Variants in ZBTB10 observed in about 807,000 individuals in gnomAD.
The protein encoded by ZBTB10 is zinc finger and BTB domain-containing protein 10.
ZBTB10 carries 32 observed loss-of-function variants against 76.4 expected under a neutral mutation model. The ratio of observed to expected loss-of-function variants is 0.42; its 90% CI spans 0.32 to 0.56. The LOEUF (loss-of-function observed/expected upper bound fraction) is 0.56. ZBTB10 is among the 20% of genes least tolerant of loss of function. ZBTB10 has a pLI of 0.14. For missense variants in ZBTB10, 1,057 were observed against 1,098.5 expected (o/e 0.96, Z 0.53); for synonymous variants, 523 against 432.9 (o/e 1.21, Z -2.58).
intron 1 of ZBTB10, among the ~76,000 whole-genome samples, chr8:80,496,945 A>G (rs1477474967): frequency 6.6e-6 from 1 of 152,230 alleles, no homozygotes; most frequent in African/African-American, 2.4e-5. Context: ...GGGTTCAGGT[A>G]CAGCTTGTGT....
chr8:80,494,066 C>T (rs752804542), intron 1 of ZBTB10, among the ~76,000 whole-genome samples: 3 of 152,168 alleles, frequency 2.0e-5, no homozygotes, highest in Non-Finnish European at 2.9e-5. Flanking sequence ...GTTTGTCTTC[C>T]TTCTATAAAA....
At chr8:80,485,862 T>C (rs975816375), upstream of ZBTB10, 6 of 1,535,568 alleles carry the variant, frequency 3.9e-6, no homozygotes, top group East Asian at 1.5e-4. Flanking sequence ...AGAAGGAAAA[T>C]GCGCGTCCCG....
intron 2 of ZBTB10, among the ~76,000 whole-genome samples, chr8:80,510,639 AGTGTGTGTGTGTGTGT>A (rs58749656): frequency 2.8e-4 from 35 of 125,684 alleles, no homozygotes; most frequent in Non-Finnish European, 4.9e-4. Context: ...TTGTGAAACC[AGTGTGTGTGTGTGTGT>A]GTGTGTGTGT....
At chr8:80,488,469 CT>C (rs1314063430) in intron 1 of ZBTB10, among the ~76,000 whole-genome samples, 1 of 152,020 alleles carries the variant, frequency 6.6e-6, no homozygotes, top group Admixed American at 6.6e-5. Context: ...GCTGAGATTT[CT>C]TTTTGTACTG....
chr8:80,494,862 G>A (rs1342811866), intron 1 of ZBTB10, among the ~76,000 whole-genome samples: 1 of 149,458 alleles, frequency 6.7e-6, no homozygotes, highest in African/African-American at 2.5e-5. Context: ...GAGGTTGAGG[G>A]TACAATAAGC....
At position 80,519,216 on chromosome 8, in the gene ZBTB10, C is replaced by T; in HGVS notation, c.2311-7C>T. 1 of 1,609,780 alleles carries T rather than the reference C, an allele frequency of 6.2e-7. No homozygotes were observed. The highest frequency in any genetic ancestry group is 2.2e-5 in the East Asian group (1 of 44,798). ...CCTTATATTGGATTTTTTCCCCCTCCAATTAGGTGCATAAAAAGGATAAAA... is the reference window on the plus strand; with the variant it reads ...CCTTATATTGGATTTTTTCCCCCTCTAATTAGGTGCATAAAAAGGATAAAA... On this transcript the variant is annotated splice_region_variant and splice_polypyrimidine_tract_variant and intron_variant, in intron 5 of 5. Transcript: ENST00000455036.
At chr8:80,488,053 TATC>T (rs1183563870) in intron 1 of ZBTB10, among the ~76,000 whole-genome samples, 2 of 152,010 alleles carry the variant, frequency 1.3e-5, no homozygotes, top group Non-Finnish European at 2.9e-5. Context: ...ACTCATTTCT[TATC>T]AGATTGAATC....
chr8:80,487,569 C>T lies in ZBTB10; in HGVS notation c.759C>T (p.Ser253=), dbSNP rs769123081. The T allele has an allele frequency of 1.9e-6, 3 of 1,611,240 alleles. No homozygotes were observed. The highest frequency in any genetic ancestry group is 2.2e-5 in the South Asian group (2 of 90,582). The part of the protein sequence containing the change: ...MQKLQCSFQT[S]WLKDFPWLRY... ...AGCTCCAATGCTCCTTCCAGACCTC[C>T]TGGCTCAAGGACTTTCCCTGGCTGC... The change falls in exon 1 of 6, where the codon TCC becomes TCT. Residue 253 remains serine (S), a synonymous_variant. Coordinates refer to ENST00000455036, the MANE Select transcript of ZBTB10 (RefSeq NM_001105539.3).
chr8:80,515,534 C>T (rs188029472), intron 3 of ZBTB10, among the ~76,000 whole-genome samples: 13 of 152,200 alleles, frequency 8.5e-5, no homozygotes, highest in African/African-American at 2.6e-4. Flanking sequence ...TTTTTTTGCT[C>T]GTACAGAAAG....
At chr8:80,509,312 G>A (rs1292083243) in intron 2 of ZBTB10, among the ~76,000 whole-genome samples, 1 of 152,192 alleles carries the variant, frequency 6.6e-6, no homozygotes, top group Non-Finnish European at 1.5e-5. Flanking sequence ...GTAGATCTGA[G>A]TCTGAGTTTT....
intron 1 of ZBTB10, among the ~76,000 whole-genome samples, chr8:80,497,511 T>C (rs1269386479): frequency 1.3e-5 from 2 of 151,716 alleles, no homozygotes; most frequent in Non-Finnish European, 2.9e-5. Flanking sequence ...GTATAAGGGC[T>C]TTATGCACTT....
chr8:80,493,609 G>T (rs944731674), intron 1 of ZBTB10, among the ~76,000 whole-genome samples: 3 of 150,888 alleles, frequency 2.0e-5, no homozygotes, highest in South Asian at 4.2e-4. Flanking sequence ...CTGAGGTCGG[G>T]AGTTCGAGAC....
intron 2 of ZBTB10, among the ~76,000 whole-genome samples, chr8:80,506,155 G>A (rs1042329161): frequency 1.3e-5 from 2 of 151,968 alleles, no homozygotes; most frequent in African/African-American, 4.8e-5. Context: ...ATCCCAGACA[G>A]CCTCCCTAAT....
chr8:80,494,720 C>G (rs953008274), intron 1 of ZBTB10, among the ~76,000 whole-genome samples: 1 of 151,826 alleles, frequency 6.6e-6, no homozygotes, highest in South Asian at 2.1e-4. Flanking sequence ...GAGTTTGAGA[C>G]AAGCCTGGGC....
upstream of ZBTB10, chr8:80,485,922 C>A (rs1278936121): frequency 2.0e-6 from 3 of 1,523,326 alleles, no homozygotes; most frequent in Admixed American, 2.0e-5. Flanking sequence ...GACCCTGACA[C>A]TCGCCAGCTG....
In ZBTB10 at chr8:80,526,141, G is replaced by C. The variant is rs1418716888; in HGVS notation, c.*6613G>C. The C allele has an allele frequency of 6.6e-6, 1 of 151,988 alleles. No homozygotes were observed. Among genetic ancestry groups the C allele is most frequent in the Non-Finnish European group, 1.5e-5 (1 of 67,998 alleles). The allele number at this position is 151,988 out of a possible 1,614,324, so 9.4% of individuals were successfully genotyped here. A position where few individuals can be genotyped will look rare whatever the true frequency, so the allele number is the denominator to read the frequency against. ...CAAAGTATTTGTTTTAAAATGTCTG[G>C]CATATACACCACTAACATTTAAATG... On this transcript the variant is annotated 3_prime_UTR_variant, in exon 6 of 6. Coordinates refer to ENST00000455036, the MANE Select transcript of ZBTB10 (RefSeq NM_001105539.3).
rs1197233843 is a variant in ZBTB10, at chr8:80,486,774, G to C, written c.-37G>C. 7 of 1,354,076 alleles carry C rather than the reference G, an allele frequency of 5.2e-6. No homozygotes were observed. Among genetic ancestry groups the C allele is most frequent in the Non-Finnish European group, 6.6e-6 (7 of 1,057,526 alleles). The allele number at this position is 1,354,076 out of a possible 1,614,324, so 83.9% of individuals were successfully genotyped here. ...GGACGCGGCCCGAGGCCGTGCGCGA[G>C]CCGGGGCACCGGGCGGCGGCGGCGG... On this transcript the variant is annotated 5_prime_UTR_variant, in exon 1 of 6. Coordinates refer to ENST00000455036, the MANE Select transcript of ZBTB10 (RefSeq NM_001105539.3).
rs983779837 is a variant in ZBTB10 at position 80,524,576 on chromosome 8, A to G, written c.*5048A>G. On this transcript the variant is annotated 3_prime_UTR_variant, in exon 6 of 6. Coordinates refer to ENST00000455036, the MANE Select transcript of ZBTB10 (RefSeq NM_001105539.3). Reference sequence around the variant, plus strand: ...CAAAGTTAGTAATAGAGCAAAGGAAATCAGAACTGGCCAGATATTCAGACT... The same window carrying G: ...CAAAGTTAGTAATAGAGCAAAGGAAGTCAGAACTGGCCAGATATTCAGACT... 2.6e-5 allele frequency: 4 copies of G among 152,116 alleles called. No individual in the cohort carries two copies. The highest frequency in any genetic ancestry group is 5.9e-5 in the Non-Finnish European group (4 of 67,960). 9.4% of individuals were successfully genotyped at this position (152,116 alleles called of 1,614,324 possible).
At chr8:80,507,330 C>A (rs1039762192) in intron 2 of ZBTB10, among the ~76,000 whole-genome samples, 3 of 136,432 alleles carry the variant, frequency 2.2e-5, no homozygotes, top group African/African-American at 5.6e-5. Context: ...AAAAAAAAAA[C>A]AGCTGGGCAC....
Sources: gnomAD v4.1 joint callset for allele counts (sites outside exome capture counted in the v4.1 genomes callset) on GRCh38, gnomAD v4.1.1 for gene constraint, MANE v1.5 for transcripts, NCBI Gene and HGNC (gene_info 2026-07-23, HGNC 2026-07-21) for gene names.